SCN11A: variants seen among roughly 807,000 people sequenced by gnomAD.
The protein encoded by SCN11A is sodium channel protein type 11 subunit alpha.
In SCN11A, 122 loss-of-function variants were observed where a neutral mutation model predicts 162.2. The ratio of observed to expected loss-of-function variants is 0.75; its 90% CI spans 0.65 to 0.87. The LOEUF (loss-of-function observed/expected upper bound fraction) is 0.87, where lower values mean the gene tolerates loss of function less well. Ranked by LOEUF, SCN11A falls within the 40% of genes least tolerant of loss-of-function variation. The probability of loss-of-function intolerance (pLI) is 0.00; values close to 1 mark genes in which losing one functional copy is unlikely to be tolerated. For synonymous variants in SCN11A, 758 were observed against 751.5 expected, an observed-to-expected ratio of 1.01 and a Z score of -0.14; for missense variants, 2,015 against 2,181.6, an observed-to-expected ratio of 0.92 and a Z score of 1.52.
At chr3:39,005,202 C>CCAGG (rs1349119593) in intron 2 of SCN11A, among the ~76,000 whole-genome samples, 1 of 152,190 alleles carries the variant, frequency 6.6e-6, no homozygotes, top group Non-Finnish European at 1.5e-5. Flanking sequence ...TGGATTTAGG[C>CCAGG]CAGGCAGGCC....
chr3:38,857,080 A>C (rs1326371533), intron 28 of SCN11A, among the ~76,000 whole-genome samples: 1 of 152,226 alleles, frequency 6.6e-6, no homozygotes, highest in Non-Finnish European at 1.5e-5. Context: ...AATTCTGGTA[A>C]TATGACAAAA....
At chr3:39,023,796 C>A (rs2031513915) in intron 2 of SCN11A, among the ~76,000 whole-genome samples, 1 of 152,142 alleles carries the variant, frequency 6.6e-6, no homozygotes. Flanking sequence ...GCACCTGCCA[C>A]CACGCCTGGC....
chr3:38,871,996 G>C (rs2065135071), intron 24 of SCN11A, among the ~76,000 whole-genome samples, 197 bp downstream of exon 24: 1 of 152,108 alleles, frequency 6.6e-6, no homozygotes, highest in Non-Finnish European at 1.5e-5. Flanking sequence ...AGCTCATCTT[G>C]GCTGTCACAG....
intron 2 of SCN11A, among the ~76,000 whole-genome samples, chr3:38,999,013 T>A (rs528055445): frequency 1.3e-5 from 2 of 151,962 alleles, no homozygotes; most frequent in East Asian, 1.9e-4. Flanking sequence ...CATATGTAAC[T>A]AACCTGCACG....
intron 2 of SCN11A, among the ~76,000 whole-genome samples, chr3:39,013,532 C>T (rs1472622359): frequency 1.3e-5 from 2 of 151,872 alleles, no homozygotes; most frequent in Non-Finnish European, 2.9e-5. Context: ...CAGCCCACAG[C>T]GGGGAAGCCC....
chr3:39,003,991 G>A (rs1389374437), intron 2 of SCN11A, among the ~76,000 whole-genome samples: 3 of 152,086 alleles, frequency 2.0e-5, no homozygotes, highest in African/African-American at 7.2e-5. Flanking sequence ...TCTGTTGATG[G>A]TTTGTCTTGC....
chr3:38,979,762 G>A (rs926820508), intron 2 of SCN11A, among the ~76,000 whole-genome samples: 7 of 152,098 alleles, frequency 4.6e-5, no homozygotes, highest in African/African-American at 1.7e-4. Flanking sequence ...GACCCCTCCA[G>A]CCTTTGTCTT....
chr3:38,955,010 G>T (rs554064726), intron 3 of SCN11A, among the ~76,000 whole-genome samples: 1 of 151,952 alleles, frequency 6.6e-6, no homozygotes, highest in African/African-American at 2.4e-5. Flanking sequence ...GAAAAGAAAA[G>T]TAACATTGAG....
At chr3:38,938,529 TATATATATATATATATATATA>T (rs1156303678) in intron 7 of SCN11A, among the ~76,000 whole-genome samples, 3 of 18,342 alleles carry the variant, frequency 1.6e-4, no homozygotes, top group African/African-American at 6.4e-4. Flanking sequence ...TATATATATA[TATATATATATATATATATATA>T]TTTTTTTTTT....
At chr3:38,858,953 T>C (rs142431830) in intron 28 of SCN11A, among the ~76,000 whole-genome samples, 3,772 of 152,150 alleles carry the variant, frequency 0.025, 83 homozygotes, top group South Asian at 0.065. Flanking sequence ...AAGATGGAAA[T>C]TTAAAAATTC....
At position 38,950,314 on chromosome 3, in the gene SCN11A, G is replaced by A. The variant is rs547501679; in HGVS notation, c.49C>T (p.Arg17Cys). 8 of 1,613,962 alleles carry A rather than the reference G, an allele frequency of 5.0e-6. No homozygotes were observed. Among genetic ancestry groups the A allele is most frequent in the African/African-American group, 1.3e-5 (1 of 74,996 alleles). ...PVIFPDERNF[R>C]PFTSDSLAAI... Reference sequence around the variant, plus strand: ...GCCAGAGAGTCGGAAGTGAAGGGGCGGAAATTCCGCTCATCTGGAAAGATT... The same window carrying A: ...GCCAGAGAGTCGGAAGTGAAGGGGCAGAAATTCCGCTCATCTGGAAAGATT... Residue 17 changes from arginine (R) to cysteine (C), a missense_variant, in exon 5 of 30, where the codon CGC becomes TGC. Transcript: ENST00000302328.
intron 2 of SCN11A, among the ~76,000 whole-genome samples, chr3:39,006,090 T>C (rs1321058913): frequency 6.6e-6 from 1 of 152,264 alleles, no homozygotes; most frequent in Non-Finnish European, 1.5e-5. Context: ...TTTTGTTCAA[T>C]GTTTTTGATA....
intron 2 of SCN11A, among the ~76,000 whole-genome samples, chr3:39,000,301 G>A (rs1249368234): frequency 6.6e-6 from 1 of 152,154 alleles, no homozygotes; most frequent in Non-Finnish European, 1.5e-5. Context: ...TTTGATTTGT[G>A]TCTGGGTTGG....
chr3:38,948,972 G>A (rs1287803764), intron 5 of SCN11A, among the ~76,000 whole-genome samples: 1 of 152,212 alleles, frequency 6.6e-6, no homozygotes, highest in Non-Finnish European at 1.5e-5. Context: ...CCCCTTGCTT[G>A]TCCTTCCTAC....
chr3:38,850,261 T>C, intron 29 of SCN11A: 1 of 530,516 alleles, frequency 1.9e-6, no homozygotes, highest in South Asian at 2.6e-5. Context: ...TATTGAACTC[T>C]ATTTCAGTTG....
chr3:38,950,856 G>A (rs1032330292), intron 4 of SCN11A, among the ~76,000 whole-genome samples: 4 of 152,228 alleles, frequency 2.6e-5, no homozygotes. Flanking sequence ...CTCACATCCA[G>A]TCAGTAAAGT....
chr3:38,991,997 C>T (rs755308327), intron 2 of SCN11A, among the ~76,000 whole-genome samples: 13 of 151,812 alleles, frequency 8.6e-5, no homozygotes, highest in Admixed American at 2.6e-4. Context: ...TTAGTAGAGA[C>T]GGGGTTTTAC....
At chr3:38,963,424 G>GATATATATATATATATATGATGGAGAT (rs2066759235) in intron 2 of SCN11A, among the ~76,000 whole-genome samples, 1 of 61,456 alleles carries the variant, frequency 1.6e-5, no homozygotes. Flanking sequence ...ATATGATGGA[G>GATATATATATATATATATGATGGAGAT]ATATATATAT....
At chr3:38,883,416 T>C (rs757307020) in intron 21 of SCN11A, 29 bp from the exon 22 acceptor site, 3 of 1,602,694 alleles carry the variant, frequency 1.9e-6, no homozygotes, top group Non-Finnish European at 2.6e-6. Context: ...AGCACTATCA[T>C]TAGTGTCTGT....
Sources: gnomAD v4.1 joint callset for allele counts (sites outside exome capture counted in the v4.1 genomes callset) on GRCh38, gnomAD v4.1.1 for gene constraint, MANE v1.5 for transcripts, NCBI Gene and HGNC (gene_info 2026-07-23, HGNC 2026-07-21) for gene names.